NWD2: variants seen among roughly 807,000 people sequenced by gnomAD.
NWD2 encodes NACHT and WD repeat domain-containing protein 2.
NWD2 carries 37 observed loss-of-function variants against 132.7 expected under a neutral mutation model. The ratio of observed to expected loss-of-function variants is 0.28; its 90% CI spans 0.21 to 0.37. NWD2 has a LOEUF of 0.37. Ranked by LOEUF, NWD2 falls within the 10% of genes least tolerant of loss-of-function variation. NWD2 has a pLI of 1.00. For synonymous variants in NWD2, 705 were observed against 803.0 expected, an observed-to-expected ratio of 0.88 and a Z score of 2.06; for missense variants, 1,592 against 2,122.4, an observed-to-expected ratio of 0.75 and a Z score of 4.91.
intron 6 of NWD2, among the ~76,000 whole-genome samples, chr4:37,441,664 C>A (rs917709938): frequency 3.9e-5 from 6 of 152,146 alleles, no homozygotes; most frequent in Admixed American, 6.6e-5. Context: ...TGTCCAATAG[C>A]CTGAGTCTGT....
At chr4:37,394,312 G>A (rs1424250282) in intron 3 of NWD2, among the ~76,000 whole-genome samples, 1 of 152,228 alleles carries the variant, frequency 6.6e-6, no homozygotes, top group African/African-American at 2.4e-5. Flanking sequence ...CATAGAGTGA[G>A]ACCAAGGTTT....
chr4:37,282,878 T>A (rs1718157035), intron 1 of NWD2, among the ~76,000 whole-genome samples: 2 of 152,230 alleles, frequency 1.3e-5, no homozygotes, highest in African/African-American at 4.8e-5. Flanking sequence ...GGAAATAATG[T>A]AATTATAACA....
chr4:37,424,874 G>T (rs986381759), intron 3 of NWD2, among the ~76,000 whole-genome samples: 5 of 152,200 alleles, frequency 3.3e-5, no homozygotes, highest in Non-Finnish European at 7.3e-5. Context: ...AATACAAACT[G>T]CATGCCACAG....
chr4:37,255,286 C>T (rs980624098), intron 1 of NWD2, among the ~76,000 whole-genome samples: 2 of 152,156 alleles, frequency 1.3e-5, no homozygotes, highest in African/African-American at 4.8e-5. Flanking sequence ...CCCGGTGTGG[C>T]ATGAGCTGTT....
At chr4:37,377,006 C>T (rs1009477758) in intron 3 of NWD2, among the ~76,000 whole-genome samples, 2 of 152,162 alleles carry the variant, frequency 1.3e-5, no homozygotes, top group East Asian at 1.9e-4. Context: ...TGTCATGATT[C>T]CATCTAGCCT....
At chr4:37,352,600 T>G (rs1332759901) in intron 2 of NWD2, among the ~76,000 whole-genome samples, 1 of 152,228 alleles carries the variant, frequency 6.6e-6, no homozygotes, top group Non-Finnish European at 1.5e-5. Context: ...ATTGATCCCT[T>G]TACCATTATG....
chr4:37,405,279 T>C (rs10517421), intron 3 of NWD2, among the ~76,000 whole-genome samples: 23,365 of 152,130 alleles, frequency 0.15, 2,281 homozygotes, highest in Admixed American at 0.22. Flanking sequence ...AGCAATCTTG[T>C]GGAGAGCGAC....
chr4:37,330,533 CT>C (rs996300396), intron 2 of NWD2, among the ~76,000 whole-genome samples: 7 of 152,138 alleles, frequency 4.6e-5, no homozygotes, highest in African/African-American at 7.2e-5. Flanking sequence ...TCCACTCTTG[CT>C]TTTGGAACTC....
At chr4:37,248,035 C>T (rs943956691) in intron 1 of NWD2, among the ~76,000 whole-genome samples, 9 of 152,268 alleles carry the variant, frequency 5.9e-5, no homozygotes, top group African/African-American at 1.7e-4. Context: ...ATCTATTCTA[C>T]GGATGAGATT....
At chr4:37,349,322 T>C (rs1719715939) in intron 2 of NWD2, among the ~76,000 whole-genome samples, 2 of 152,096 alleles carry the variant, frequency 1.3e-5, no homozygotes, top group Non-Finnish European at 2.9e-5. Context: ...GTTCTGACTT[T>C]TCCACATCCT....
intron 1 of NWD2, among the ~76,000 whole-genome samples, chr4:37,318,468 C>T (rs989864773): frequency 6.6e-6 from 1 of 152,014 alleles, no homozygotes; most frequent in Non-Finnish European, 1.5e-5. Context: ...ATTCAGGGGA[C>T]ACATGTGCAG....
At chr4:37,426,530 G>A (rs1480686210) in intron 3 of NWD2, among the ~76,000 whole-genome samples, 3 of 152,120 alleles carry the variant, frequency 2.0e-5, no homozygotes, top group Non-Finnish European at 2.9e-5. Context: ...TTGGTGCCAG[G>A]TGCTCAACTG....
intron 2 of NWD2, among the ~76,000 whole-genome samples, chr4:37,355,026 G>A (rs1719844156): frequency 6.6e-6 from 1 of 152,052 alleles, no homozygotes; most frequent in African/African-American, 2.4e-5. Context: ...CTGATCAGTG[G>A]AACTTATTAT....
At chr4:37,286,351 A>G (rs1230744790) in intron 1 of NWD2, among the ~76,000 whole-genome samples, 5 of 152,322 alleles carry the variant, frequency 3.3e-5, no homozygotes, top group Non-Finnish European at 7.4e-5. Context: ...AGTTTTCCTT[A>G]ATGCTTGAGT....
chr4:37,356,141 G>C (rs957920938), intron 2 of NWD2, among the ~76,000 whole-genome samples: 4 of 152,034 alleles, frequency 2.6e-5, no homozygotes, highest in Non-Finnish European at 5.9e-5. Context: ...CATTTTCTCT[G>C]GGCCCATGTC....
chr4:37,304,610 A>G (rs1390572982), intron 1 of NWD2, among the ~76,000 whole-genome samples: 5 of 152,216 alleles, frequency 3.3e-5, no homozygotes, highest in Admixed American at 6.5e-5. Flanking sequence ...AATTGGCCAA[A>G]ACAAAGCGGC....
chr4:37,245,028 A>AGGTGGC lies in NWD2; in HGVS notation c.-37_-32dup, dbSNP rs1403413915. On this transcript the variant is annotated 5_prime_UTR_variant, in exon 1 of 7. Coordinates refer to ENST00000309447, the MANE Select transcript of NWD2 (RefSeq NM_001144990.2). The stretch of plus-strand genomic sequence containing the variant: ...TGCGGGCAGGAACCCGAGGAGCAGG[A>AGGTGGC]GGTGGCGGCGGCGGCAGTGGCTGTT... 13 of 1,539,886 alleles carry AGGTGGC rather than the reference A, an allele frequency of 8.4e-6. No individual in the cohort carries two copies. The highest frequency in any genetic ancestry group is 1.0e-5 in the Non-Finnish European group (12 of 1,145,988).
chr4:37,275,271 T>C (rs1380125637), intron 1 of NWD2, among the ~76,000 whole-genome samples: 1 of 152,146 alleles, frequency 6.6e-6, no homozygotes, highest in Non-Finnish European at 1.5e-5. Flanking sequence ...TCACAAGCAT[T>C]CTTATACACC....
At chr4:37,264,530 A>G (rs1202011211) in intron 1 of NWD2, among the ~76,000 whole-genome samples, 1 of 152,152 alleles carries the variant, frequency 6.6e-6, no homozygotes, top group Non-Finnish European at 1.5e-5. Context: ...ATGTGCTCAT[A>G]TGTCCAACAG....
Sources: gnomAD v4.1 joint callset for allele counts (sites outside exome capture counted in the v4.1 genomes callset) on GRCh38, gnomAD v4.1.1 for gene constraint, MANE v1.5 for transcripts, NCBI Gene and HGNC (gene_info 2026-07-23, HGNC 2026-07-21) for gene names.